The following RERE variants were observed in gnomAD, a reference collection of about 807,000 sequenced individuals.
RERE encodes the protein arginine-glutamic acid dipeptide repeats protein.
RERE carries 40 observed loss-of-function variants against 146.1 expected under a neutral mutation model. The ratio of observed to expected loss-of-function variants is 0.27; its 90% CI spans 0.21 to 0.36. The LOEUF (loss-of-function observed/expected upper bound fraction) is 0.36, where lower values mean the gene tolerates loss of function less well. RERE is among the 10% of genes least tolerant of loss of function. RERE has a pLI of 1.00. For missense variants in RERE, 1,933 were observed against 2,138.7 expected, an observed-to-expected ratio of 0.90 and a Z score of 1.90; for synonymous variants, 1,003 against 866.0, an observed-to-expected ratio of 1.16 and a Z score of -2.78.
chr1:8,388,227 A>AG (rs1036879763), intron 12 of RERE, among the ~76,000 whole-genome samples: 40 of 152,086 alleles, frequency 2.6e-4, no homozygotes, highest in African/African-American at 8.9e-4. Context: ...AAGGAAAAGG[A>AG]GGGGGGTTAT....
chr1:8,732,808 C>CTTT lies in RERE; in HGVS notation c.-144-76370_-144-76368dup, dbSNP rs59337140. Among the ~76,000 whole-genome samples the CTTT allele has an allele frequency of 8.5e-4, 56 of 65,732 alleles. 3 individuals carry two copies. Among genetic ancestry groups the CTTT allele is most frequent in the African/African-American group, 2.9e-3 (53 of 18,320 alleles). The allele number at this position is 65,732 out of a possible 152,430, so 43.1% of individuals were successfully genotyped here. A position where few individuals can be genotyped will look rare whatever the true frequency, so the allele number is the denominator to read the frequency against. On this transcript the variant is annotated intron_variant, in intron 1 of 22. Transcript: ENST00000400908. ...ACTATCTGCCCAATTTTCAATTTTT[C>CTTT]TTTTTTTTTTTTTTTTTTTTTTTTT...
At chr1:8,711,593 A>T (rs1639669879) in intron 1 of RERE, among the ~76,000 whole-genome samples, 1 of 152,238 alleles carries the variant, frequency 6.6e-6, no homozygotes, top group South Asian at 2.1e-4. Flanking sequence ...CGTTTGGAAA[A>T]GGGTTTTACA....
chr1:8,681,099 G>C (rs375672430), intron 1 of RERE, among the ~76,000 whole-genome samples: 1 of 152,080 alleles, frequency 6.6e-6, no homozygotes, highest in Non-Finnish European at 1.5e-5. Context: ...AAAACCATTC[G>C]TCTTTTCTAA....
At position 8,360,337 on chromosome 1, in the gene RERE, G is replaced by A; in HGVS notation, c.3170C>T (p.Thr1057Ile). The change falls in exon 18 of 23, where the codon ACC (threonine) becomes ATC (isoleucine). Residue 1057 changes from threonine to isoleucine, a missense_variant. Thr to Ile is a moderately conservative substitution (Grantham distance 89). This residue lies in a region of RERE where 1,255 missense variants were observed against 1,153.8 expected (regional missense o/e 1.09). Coordinates refer to ENST00000400908, the MANE Select transcript of RERE (RefSeq NM_001042681.2). Reference sequence around the variant, plus strand: ...CGAGGTGCCAGGTCCCGCCGGTGGGGTAGAGGTGGAGGGGCAGGTCGGAGG... The same window carrying A: ...CGAGGTGCCAGGTCCCGCCGGTGGGATAGAGGTGGAGGGGCAGGTCGGAGG... ...ITPPTCPSTS[T>I]PPAGPGTSAQ... 2 of 1,516,312 alleles carry A rather than the reference G, an allele frequency of 1.3e-6. No individual in the cohort carries two copies. Among genetic ancestry groups the A allele is most frequent in the South Asian group, 1.3e-5 (1 of 79,778 alleles). The allele number at this position is 1,516,312 out of a possible 1,614,324, so 93.9% of individuals were successfully genotyped here.
chr1:8,641,727 A>G (rs1647180476), intron 2 of RERE, among the ~76,000 whole-genome samples: 1 of 152,230 alleles, frequency 6.6e-6, no homozygotes, highest in South Asian at 2.1e-4. Flanking sequence ...CTCACAGAAC[A>G]TATCATACAA....
chr1:8,651,808 T>C (rs1388722846), intron 2 of RERE, among the ~76,000 whole-genome samples: 1 of 151,990 alleles, frequency 6.6e-6, no homozygotes, highest in East Asian at 1.9e-4. Context: ...AGTACTCTGC[T>C]GGTTTTTTTG....
chr1:8,430,748 A>C (rs1644085068), intron 11 of RERE, among the ~76,000 whole-genome samples: 1 of 152,218 alleles, frequency 6.6e-6, no homozygotes, highest in Admixed American at 6.5e-5. Context: ...GTAGTGGCAC[A>C]AGTATGCTAA....
intron 1 of RERE, among the ~76,000 whole-genome samples, chr1:8,724,190 A>C (rs1014863388): frequency 6.6e-6 from 1 of 152,214 alleles, no homozygotes; most frequent in Non-Finnish European, 1.5e-5. Flanking sequence ...GTAACAAAAC[A>C]ACCCTGGATA....
intron 1 of RERE, among the ~76,000 whole-genome samples, chr1:8,669,184 C>T (rs535405111): frequency 4.8e-4 from 72 of 151,342 alleles, no homozygotes; most frequent in Non-Finnish European, 9.1e-4. Flanking sequence ...GCAATACCCC[C>T]CCCAACTCGG....
intron 7 of RERE, among the ~76,000 whole-genome samples, chr1:8,537,161 G>A (rs914577643): frequency 1.4e-4 from 21 of 152,082 alleles, no homozygotes; most frequent in African/African-American, 4.8e-4. Flanking sequence ...CCCTGATCAC[G>A]CCACTACACT....
intron 1 of RERE, among the ~76,000 whole-genome samples, chr1:8,717,138 C>T (rs1183900625): frequency 6.6e-6 from 1 of 152,278 alleles, no homozygotes; most frequent in East Asian, 1.9e-4. Flanking sequence ...CATCCAGCTT[C>T]AAAAAACTTA....
intron 1 of RERE, among the ~76,000 whole-genome samples, chr1:8,720,621 C>T (rs1051232622): frequency 3.9e-5 from 6 of 152,060 alleles, no homozygotes; most frequent in African/African-American, 1.2e-4. Flanking sequence ...GTGCCGGCAA[C>T]GGACGAGTCG....
intron 11 of RERE, among the ~76,000 whole-genome samples, chr1:8,458,577 G>GCA (rs961251929): frequency 1.3e-5 from 2 of 152,074 alleles, no homozygotes; most frequent in Non-Finnish European, 2.9e-5. Flanking sequence ...GCGCATGCGC[G>GCA]CACACACACA....
At chr1:8,395,881 AG>A (rs1487622109) in intron 12 of RERE, among the ~76,000 whole-genome samples, 2 of 152,182 alleles carry the variant, frequency 1.3e-5, no homozygotes, top group African/African-American at 4.8e-5. Flanking sequence ...AGAGTGCCCA[AG>A]GAACACGGGA....
At chr1:8,573,702 T>C (rs908226041) in intron 4 of RERE, among the ~76,000 whole-genome samples, 1 of 152,244 alleles carries the variant, frequency 6.6e-6, no homozygotes, top group Non-Finnish European at 1.5e-5. Context: ...AATTTTGGTA[T>C]TGGTAAAATG....
At chr1:8,712,014 A>T (rs1005357187) in intron 1 of RERE, among the ~76,000 whole-genome samples, 3 of 152,270 alleles carry the variant, frequency 2.0e-5, no homozygotes, top group Admixed American at 2.0e-4. Flanking sequence ...ACCATTTGCC[A>T]GTCTCAGCAT....
chr1:8,540,561 A>ATATAT (rs1212185180), intron 7 of RERE, among the ~76,000 whole-genome samples: 1 of 152,208 alleles, frequency 6.6e-6, no homozygotes, highest in Non-Finnish European at 1.5e-5. Flanking sequence ...GCAAGTATGA[A>ATATAT]TATATACACT....
chr1:8,639,375 T>C (rs1647145780), intron 2 of RERE, among the ~76,000 whole-genome samples: 1 of 152,184 alleles, frequency 6.6e-6, no homozygotes. Flanking sequence ...CTGCAATCTT[T>C]AAAAAGCTTG....
At chr1:8,390,758 G>C (rs181893182) in intron 12 of RERE, among the ~76,000 whole-genome samples, 24 of 152,140 alleles carry the variant, frequency 1.6e-4, no homozygotes, top group African/African-American at 5.8e-4. Context: ...ATACAAGAGG[G>C]AACTCCTGAT....
Sources: allele counts gnomAD v4.1 joint callset (sites outside exome capture counted in the v4.1 genomes callset), GRCh38; gene constraint gnomAD v4.1.1; regional missense constraint gnomAD v4.1.1; transcripts MANE v1.5; gene names NCBI Gene and HGNC (gene_info 2026-07-23, HGNC 2026-07-21).